Variants in N4BP1 observed in about 807,000 individuals in gnomAD.
The protein encoded by N4BP1 is NEDD4 binding protein 1.
N4BP1 carries 21 observed loss-of-function variants against 70.9 expected under a neutral mutation model. That is an observed-to-expected ratio of 0.30 (90% CI 0.21 to 0.43). N4BP1 has a LOEUF of 0.43. Ranked by LOEUF, N4BP1 falls within the 20% of genes least tolerant of loss-of-function variation. The probability of loss-of-function intolerance (pLI) is 1.00; values close to 1 mark genes in which losing one functional copy is unlikely to be tolerated. For missense variants in N4BP1, 936 were observed against 1,069.4 expected (o/e 0.88, Z 1.74); for synonymous variants, 387 against 394.6 (o/e 0.98, Z 0.23).
At chr16:48,548,795 G>A (rs1045392636) in intron 4 of N4BP1, among the ~76,000 whole-genome samples, 3 of 148,148 alleles carry the variant, frequency 2.0e-5, no homozygotes, top group African/African-American at 2.5e-5. Flanking sequence ...AGCCAAGATC[G>A]TGCCACTACA....
In N4BP1 at chr16:48,600,246, T is replaced by A. The variant is rs1964475651; in HGVS notation, c.198+9529A>T. 3.3e-6 allele frequency: 3 copies of A among 910,226 alleles called. No homozygotes were observed. In the African/African-American group the frequency reaches 5.0e-5, roughly 15 times the overall value. The allele number at this position is 910,226 out of a possible 1,614,324, so 56.4% of individuals were successfully genotyped here. On this transcript the variant is annotated intron_variant, in intron 1 of 6. Transcript: ENST00000262384. The stretch of plus-strand genomic sequence containing the variant: ...GTTCATCCGCAACGACTGAAAGGTG[T>A]TCAGATTTTGTAAATCTAAATGTCA...
At chr16:48,582,051 T>C (rs1964181802) in intron 1 of N4BP1, among the ~76,000 whole-genome samples, 1 of 152,146 alleles carries the variant, frequency 6.6e-6, no homozygotes, top group South Asian at 2.1e-4. Flanking sequence ...ACTATACACA[T>C]AAGAGGTTAA....
chr16:48,553,963 A>G (rs1186337688), intron 2 of N4BP1, among the ~76,000 whole-genome samples: 1 of 152,186 alleles, frequency 6.6e-6, no homozygotes, highest in Non-Finnish European at 1.5e-5. Flanking sequence ...GTGACAGAAG[A>G]AAGGGACAAA....
chr16:48,554,155 G>A (rs1259344081), intron 2 of N4BP1, among the ~76,000 whole-genome samples: 1 of 141,980 alleles, frequency 7.0e-6, no homozygotes, highest in African/African-American at 2.7e-5. Flanking sequence ...TAAGAATGCA[G>A]AAAGCAGGGA....
At chr16:48,597,056 C>T (rs1010396190) in intron 1 of N4BP1, among the ~76,000 whole-genome samples, 3 of 152,312 alleles carry the variant, frequency 2.0e-5, no homozygotes, top group Non-Finnish European at 2.9e-5. Flanking sequence ...CATCTCCAAC[C>T]TGACCAATCA....
At chr16:48,570,739 G>C (rs897182498) in intron 1 of N4BP1, among the ~76,000 whole-genome samples, 1 of 152,136 alleles carries the variant, frequency 6.6e-6, no homozygotes, top group Non-Finnish European at 1.5e-5. Context: ...CATTCTGCCC[G>C]GGTTTTACTG....
At chr16:48,550,733 G>A (rs930721901) in intron 4 of N4BP1, among the ~76,000 whole-genome samples, 4 of 151,676 alleles carry the variant, frequency 2.6e-5, no homozygotes, top group African/African-American at 9.7e-5. Context: ...GAAAAACCCC[G>A]TCTCACTGCA....
At chr16:48,562,605 A>G (rs867813863) in intron 1 of N4BP1, among the ~76,000 whole-genome samples, 161 bp from the exon 2 acceptor site, 4 of 152,252 alleles carry the variant, frequency 2.6e-5, no homozygotes, top group African/African-American at 9.6e-5. Context: ...CATTGAAAAT[A>G]ACAGATATAA....
chr16:48,543,046 G>A lies in N4BP1; in HGVS notation c.2549C>T (p.Ser850Phe). The A allele has an allele frequency of 6.2e-7, 1 of 1,614,074 alleles. No homozygotes were observed. Among genetic ancestry groups the A allele is most frequent in the East Asian group, 2.2e-5 (1 of 44,884 alleles). ...QQNLPMPAQR[S>F]SAETNELREA... ...CCTCAGCTCGTTGGTTTCTGCAGAAGATCTCTGAGCTGGCATGGGCAGGTT... is the reference window on the plus strand; with the variant it reads ...CCTCAGCTCGTTGGTTTCTGCAGAAAATCTCTGAGCTGGCATGGGCAGGTT... The change falls in exon 7 of 7, where the codon TCT (serine) becomes TTT (phenylalanine). Residue 850 changes from serine (S) to phenylalanine (F), a missense_variant. Physicochemically the swap from Ser to Phe is radical, Grantham distance 155. Coordinates refer to ENST00000262384, the MANE Select transcript of N4BP1 (RefSeq NM_153029.4).
chr16:48,547,957 A>G (rs1321860789), intron 5 of N4BP1, 50 bp downstream of exon 5: 1 of 1,213,320 alleles, frequency 8.2e-7, no homozygotes, highest in African/African-American at 1.5e-5. Context: ...ACAGAAACAA[A>G]CAATTAAAAA....
chr16:48,580,487 A>G (rs2151095560), intron 1 of N4BP1, among the ~76,000 whole-genome samples: 1 of 152,310 alleles, frequency 6.6e-6, no homozygotes, highest in African/African-American at 2.4e-5. Flanking sequence ...TCACTGCTGA[A>G]TTCTACCAAA....
rs1963515215 is a variant in N4BP1, at chr16:48,542,409, A to G, written c.*495T>C. 1 of 152,832 alleles carries G rather than the reference A, an allele frequency of 6.5e-6. No homozygotes were observed. The highest frequency in any genetic ancestry group is 6.5e-5 in the Admixed American group (1 of 15,284). 9.5% of individuals were successfully genotyped at this position (152,832 alleles called of 1,614,324 possible). ...GAACAAACCAACTCTTACCCACTTT[A>G]ACTCCGGGGGTGAGGGCAGAGGAGG... On this transcript the variant is annotated 3_prime_UTR_variant, in exon 7 of 7. Transcript: ENST00000262384.
At chr16:48,571,520 A>T (rs1964020230) in intron 1 of N4BP1, among the ~76,000 whole-genome samples, 1 of 152,222 alleles carries the variant, frequency 6.6e-6, no homozygotes, top group African/African-American at 2.4e-5. Context: ...GCAGGAAACT[A>T]GGTAATGCAG....
intron 3 of N4BP1, 47 bp downstream of exon 3, chr16:48,553,490 AAC>A (rs1963705164): frequency 6.7e-7 from 1 of 1,493,816 alleles, no homozygotes; most frequent in Non-Finnish European, 8.9e-7. Context: ...ATTATAAGCC[AAC>A]TCATTAAACA....
intron 1 of N4BP1, among the ~76,000 whole-genome samples, chr16:48,584,988 G>C (rs1964223015): frequency 6.6e-6 from 1 of 152,122 alleles, no homozygotes; most frequent in African/African-American, 2.4e-5. Flanking sequence ...CTGGAGTGAA[G>C]TGGCATGATT....
rs577928592 is a variant in N4BP1, at chr16:48,569,822, C to T, written c.199-7378G>A. Among the ~76,000 whole-genome samples, 101 of 152,248 alleles carry T rather than the reference C, an allele frequency of 6.6e-4. No homozygotes were observed. The South Asian group carries it at 0.017, about 25-fold the overall frequency. The stretch of plus-strand genomic sequence containing the variant: ...TGCTGATGAGGAACAGATCCATGCA[C>T]GTGTACCTTGGGGATGAGCCAAGGG... On this transcript the variant is annotated intron_variant, in intron 1 of 6. Transcript: ENST00000262384.
At chr16:48,580,165 T>A (rs1001592692) in intron 1 of N4BP1, among the ~76,000 whole-genome samples, 2 of 152,038 alleles carry the variant, frequency 1.3e-5, no homozygotes, top group Non-Finnish European at 2.9e-5. Flanking sequence ...TAAAATGAGT[T>A]GTTTATGAAA....
intron 1 of N4BP1, among the ~76,000 whole-genome samples, chr16:48,573,348 T>C (rs1371935067): frequency 1.3e-5 from 2 of 152,074 alleles, no homozygotes; most frequent in African/African-American, 2.4e-5. Context: ...AACCAGCACT[T>C]TGGGAGGCCA....
intron 1 of N4BP1, among the ~76,000 whole-genome samples, chr16:48,599,253 T>C (rs1254246017): frequency 1.3e-5 from 2 of 152,176 alleles, no homozygotes; most frequent in Admixed American, 6.5e-5. Flanking sequence ...CAACTACAGT[T>C]GCACTAAGCA....
Sources: gnomAD v4.1 joint callset for allele counts (sites outside exome capture counted in the v4.1 genomes callset) on GRCh38, gnomAD v4.1.1 for gene constraint, MANE v1.5 for transcripts, NCBI Gene and HGNC (gene_info 2026-07-23, HGNC 2026-07-21) for gene names.